Variants in CPLANE1 observed in about 807,000 individuals in gnomAD.
The protein encoded by CPLANE1 is ciliogenesis and planar polarity effector complex subunit 1.
In CPLANE1, 263 loss-of-function variants were observed where a neutral mutation model predicts 362.5. The observed-to-expected ratio is 0.73, with a 90% CI of 0.66 to 0.80. The LOEUF (loss-of-function observed/expected upper bound fraction) is 0.80. Among genes scored for constraint, CPLANE1 ranks in the 30% least tolerant of loss-of-function variants. The probability of loss-of-function intolerance (pLI) is 0.00; values close to 1 mark genes in which losing one functional copy is unlikely to be tolerated. For synonymous variants in CPLANE1, 1,212 were observed against 1,302.6 expected (o/e 0.93, Z 1.50); for missense variants, 3,461 against 3,793.4 (o/e 0.91, Z 2.30).
At chr5:37,210,871 G>A (rs1189019577) in intron 16 of CPLANE1, 10 of 800,588 alleles carry the variant, frequency 1.2e-5, no homozygotes, top group Non-Finnish European at 2.1e-5. Context: ...TTCGAAAGCC[G>A]CAAACAAGCT....
chr5:37,177,872 T>C (rs1026392515), intron 29 of CPLANE1, among the ~76,000 whole-genome samples, 172 bp from the exon 30 acceptor site: 3 of 152,194 alleles, frequency 2.0e-5, no homozygotes, highest in South Asian at 4.1e-4. Context: ...CTAATCTTTA[T>C]ACTGTGTGAA....
intron 24 of CPLANE1, 149 bp from the exon 25 acceptor site, chr5:37,185,228 A>G (rs1400365516): frequency 1.5e-6 from 1 of 654,376 alleles, no homozygotes; most frequent in African/African-American, 1.8e-5. Context: ...TGTTTTCTTC[A>G]GTATTTACTG....
intron 50 of CPLANE1, among the ~76,000 whole-genome samples, chr5:37,118,520 A>G (rs1391309515): frequency 6.6e-6 from 1 of 151,914 alleles, no homozygotes; most frequent in African/African-American, 2.4e-5. Context: ...TGTTGGTTCT[A>G]TGTGTGTAGG....
chr5:37,188,461 G>T (rs1228382248), intron 21 of CPLANE1, among the ~76,000 whole-genome samples: 1 of 152,200 alleles, frequency 6.6e-6, no homozygotes, highest in Non-Finnish European at 1.5e-5. Flanking sequence ...TTGTCTCCTA[G>T]CTACTTGGAC....
intron 12 of CPLANE1, among the ~76,000 whole-genome samples, chr5:37,225,293 C>T (rs568568667): frequency 5.3e-5 from 8 of 151,796 alleles, no homozygotes; most frequent in East Asian, 1.9e-4. Context: ...CTCCTCCTGT[C>T]GCCCATGCTG....
chr5:37,166,702 T>C (rs1217296417), intron 35 of CPLANE1, among the ~76,000 whole-genome samples: 4 of 152,194 alleles, frequency 2.6e-5, no homozygotes, highest in Non-Finnish European at 5.9e-5. Flanking sequence ...GGTCTTGGCA[T>C]GTATTCCTGG....
At position 37,173,796 on chromosome 5, in the gene CPLANE1, C is replaced by T. The variant is rs773299420; in HGVS notation, c.6130G>A (p.Val2044Ile). ...ATTTCATCTTGCAGCATCTGCCTAA[C>T]GGACTCCGAACAATCTGGTAACTGA... The part of the protein sequence containing the change: ...TAQLPDCSES[V>I]RQMLQDEMFK... Residue 2044 changes from valine to isoleucine, a missense_variant, in exon 32 of 53, where the codon GTT becomes ATT. Transcript: ENST00000651892. 36 of 1,614,018 alleles carry T rather than the reference C, an allele frequency of 2.2e-5. No individual in the cohort carries two copies. The highest frequency in any genetic ancestry group is 1.2e-4 in the South Asian group (11 of 91,076).
the CPLANE1 span, among the ~76,000 whole-genome samples, chr5:37,093,952 C>T: frequency 6.8e-6 from 1 of 146,532 alleles, no homozygotes; most frequent in African/African-American, 2.6e-5. Context: ...CTTGTTTACT[C>T]ATGTGGTTCT....
intron 51 of CPLANE1, among the ~76,000 whole-genome samples, chr5:37,114,725 C>G (rs1462806922): frequency 6.6e-6 from 1 of 152,058 alleles, no homozygotes; most frequent in East Asian, 1.9e-4. Flanking sequence ...CATGGCAAAA[C>G]CCCATCTCTA....
chr5:37,185,495 C>T (rs1374697234), intron 24 of CPLANE1, among the ~76,000 whole-genome samples: 1 of 151,760 alleles, frequency 6.6e-6, no homozygotes, highest in Non-Finnish European at 1.5e-5. Context: ...ATTTTTCTTA[C>T]TAAAAGTAAT....
At position 37,180,959 on chromosome 5, in the gene CPLANE1, T is replaced by C. The variant is rs1782518530; in HGVS notation, c.5468A>G (p.Glu1823Gly). Residue 1823 changes from glutamate (E) to glycine (G), a missense_variant, in exon 27 of 53, where the codon GAG (glutamate) becomes GGG (glycine). Coordinates refer to ENST00000651892, the MANE Select transcript of CPLANE1 (RefSeq NM_001384732.1). ...DTGCQIGPNI[E>G]RESKSDAGGS... ...GCCAGCATCTGATTTGCTCTCCCTC[T>C]CAATATTGGGTCCAATCTGACACCC... 6.2e-7 allele frequency: 1 copy of C among 1,614,066 alleles called. No individual in the cohort carries two copies. The highest frequency in any genetic ancestry group is 1.3e-5 in the African/African-American group (1 of 75,040).
the CPLANE1 span, among the ~76,000 whole-genome samples, chr5:37,080,242 T>C: frequency 6.6e-6 from 1 of 152,226 alleles, no homozygotes; most frequent in Non-Finnish European, 1.5e-5. Flanking sequence ...GGAAAGTTCC[T>C]GATGTAAGTC....
At chr5:37,143,301 ACAGT>A (rs1329617013) in intron 43 of CPLANE1, among the ~76,000 whole-genome samples, 2 of 152,240 alleles carry the variant, frequency 1.3e-5, no homozygotes, top group African/African-American at 4.8e-5. Context: ...ACCATGAAAG[ACAGT>A]CAGTATGCAG....
chr5:37,148,249 A>G lies in CPLANE1; in HGVS notation c.8393T>C (p.Ile2798Thr), dbSNP rs368365632. Reference sequence around the variant, plus strand: ...GAATTCAGGGCCAGAAGAGAATTCAATGTGATCCACTGGTCCAATCTGTAG... The same window carrying G: ...GAATTCAGGGCCAGAAGAGAATTCAGTGTGATCCACTGGTCCAATCTGTAG... ...HCDKIGPVDH[I>T]EFSSGPEFKK... The change falls in exon 43 of 53, where the codon ATT (isoleucine) becomes ACT (threonine). Residue 2798 changes from isoleucine to threonine, a missense_variant. Physicochemically the swap from Ile to Thr is moderately conservative, Grantham distance 89. Around this residue, in one of 2 missense-constraint regions of CPLANE1, gnomAD observed 3,380 missense variants for 3,666.1 expected, o/e 0.92. Transcript: ENST00000651892. 2.5e-6 allele frequency: 4 copies of G among 1,611,118 alleles called. No individual in the cohort carries two copies. Among genetic ancestry groups the G allele is most frequent in the African/African-American group, 1.3e-5 (1 of 75,018 alleles).
intron 47 of CPLANE1, among the ~76,000 whole-genome samples, chr5:37,123,821 T>C (rs939523960): frequency 2.0e-5 from 3 of 152,126 alleles, no homozygotes; most frequent in African/African-American, 7.2e-5. Flanking sequence ...CCACTATTCC[T>C]AGCCAATTTA....
At chr5:37,133,341 T>G (rs1766548030) in intron 46 of CPLANE1, among the ~76,000 whole-genome samples, 1 of 152,232 alleles carries the variant, frequency 6.6e-6, no homozygotes, top group South Asian at 2.1e-4. Flanking sequence ...AGAAATAGTG[T>G]TGAATCTATA....
At chr5:37,215,539 C>G (rs1793797303) in intron 15 of CPLANE1, among the ~76,000 whole-genome samples, 1 of 152,086 alleles carries the variant, frequency 6.6e-6, no homozygotes, top group African/African-American at 2.4e-5. Flanking sequence ...TTTTTGACAG[C>G]ATGAGGGTGT....
At chr5:37,215,823 TTTTTC>T (rs1174692442) in intron 15 of CPLANE1, among the ~76,000 whole-genome samples, 3 of 150,604 alleles carry the variant, frequency 2.0e-5, no homozygotes, top group African/African-American at 7.4e-5. Flanking sequence ...ATATAAGATT[TTTTTC>T]TTTTTTTCTT....
intron 21 of CPLANE1, among the ~76,000 whole-genome samples, chr5:37,194,082 T>G (rs1007933040): frequency 6.6e-6 from 1 of 151,996 alleles, no homozygotes; most frequent in Admixed American, 6.6e-5. Context: ...CCACTATGCC[T>G]GGCTAATTTT....
Sources: gnomAD v4.1 joint callset for allele counts (sites outside exome capture counted in the v4.1 genomes callset) on GRCh38, gnomAD v4.1.1 for gene constraint, gnomAD v4.1.1 regional missense constraint, MANE v1.5 for transcripts, NCBI Gene and HGNC (gene_info 2026-07-23, HGNC 2026-07-21) for gene names.